ZNF493: variants seen among roughly 807,000 people sequenced by gnomAD.
ZNF493 encodes zinc finger protein 493.
A neutral mutation model predicts 12.2 loss-of-function variants in ZNF493; 11 were observed. That is an observed-to-expected ratio of 0.90 (90% CI 0.57 to 1.50). ZNF493 has a LOEUF of 1.50. Among genes scored for constraint, ZNF493 ranks in the 40% most tolerant of loss-of-function variants. The pLI, the probability that ZNF493 is intolerant of heterozygous loss-of-function variation, is 0.00. For synonymous variants in ZNF493, 286 were observed against 302.6 expected, an observed-to-expected ratio of 0.95 and a Z score of 0.57; for missense variants, 950 against 906.6, an observed-to-expected ratio of 1.05 and a Z score of -0.61.
At chr19:21,420,592 TA>T (rs2030629300) in intron 3 of ZNF493, among the ~76,000 whole-genome samples, 3 of 6,612 alleles carry the variant, frequency 4.5e-4, no homozygotes, top group African/African-American at 2.0e-3. Flanking sequence ...CTCACTTGAT[TA>T]TATATATATA....
intron 1 of ZNF493, among the ~76,000 whole-genome samples, chr19:21,404,890 T>C (rs2030063057): frequency 6.6e-6 from 1 of 152,244 alleles, no homozygotes; most frequent in African/African-American, 2.4e-5. Context: ...CTTTATACTT[T>C]ACTATTAATA....
intron 3 of ZNF493, among the ~76,000 whole-genome samples, chr19:21,406,818 A>G (rs948892455): frequency 6.6e-6 from 1 of 151,972 alleles, no homozygotes; most frequent in South Asian, 2.1e-4. Context: ...TTTCATTACT[A>G]TAAGAAAAAA....
At position 21,423,307 on chromosome 19, in the gene ZNF493, C is replaced by CAA; in HGVS notation, c.650_651dup (p.Ala218LysfsTer69). 1 of 1,613,806 alleles carries CAA rather than the reference C, an allele frequency of 6.2e-7. No homozygotes were observed. Among genetic ancestry groups the CAA allele is most frequent in the Non-Finnish European group, 8.5e-7 (1 of 1,179,862 alleles). On this transcript the variant is annotated frameshift_variant, in exon 4 of 4. Coordinates refer to ENST00000392288, the MANE Select transcript of ZNF493 (RefSeq NM_001076678.3). LOFTEE classifies it low-confidence loss of function (END_TRUNC). ...ATTCTTACCGATGTGAAGAATGTGGCAAAGCCTTTATCTGGTTTTCAACCC... is the reference window on the plus strand; with the variant it reads ...ATTCTTACCGATGTGAAGAATGTGGCAAAAAGCCTTTATCTGGTTTTCAACCC...
intron 1 of ZNF493, among the ~76,000 whole-genome samples, chr19:21,404,562 T>G (rs1224444723): frequency 1.3e-5 from 2 of 152,248 alleles, no homozygotes; most frequent in African/African-American, 4.8e-5. Flanking sequence ...AAATGAAGAC[T>G]CTTATCTTTG....
At chr19:21,404,431 T>A (rs1302566907) in intron 1 of ZNF493, among the ~76,000 whole-genome samples, 2 of 152,228 alleles carry the variant, frequency 1.3e-5, no homozygotes, top group Non-Finnish European at 2.9e-5. Context: ...GAGTTAATTA[T>A]TTTTCTCTTC....
At chr19:21,418,835 T>A (rs565281708) in intron 3 of ZNF493, among the ~76,000 whole-genome samples, 11 of 152,318 alleles carry the variant, frequency 7.2e-5, no homozygotes, top group Admixed American at 7.2e-4. Context: ...GGTTTAAGAA[T>A]GCCTTTATGC....
In ZNF493 at chr19:21,405,141, T is replaced by C. The variant is rs765753420; in HGVS notation, c.43T>C (p.Phe15Leu). Residue 15 changes from phenylalanine to leucine, a missense_variant, in exon 2 of 4, where the codon TTT becomes CTT. Physicochemically the swap from Phe to Leu is conservative, Grantham distance 22. Transcript: ENST00000392288. The stretch of plus-strand genomic sequence containing the variant: ...GTGTTTGTTTCAGGGGCCGTTGACA[T>C]TTAGGGATGTGGCCATAGAATTCTC... ...PESLDMGPLT[F>L]RDVAIEFSLE... 1 of 1,613,816 alleles carries C rather than the reference T, an allele frequency of 6.2e-7. No individual in the cohort carries two copies. The highest frequency in any genetic ancestry group is 1.7e-5 in the Admixed American group (1 of 59,954).
At position 21,424,541 on chromosome 19, in the gene ZNF493, C is replaced by G. The variant is rs1568384616; in HGVS notation, c.1882C>G (p.Pro628Ala). Residue 628 changes from proline to alanine, a missense_variant, in exon 4 of 4, where the codon CCC becomes GCC. Coordinates refer to ENST00000392288, the MANE Select transcript of ZNF493 (RefSeq NM_001076678.3). ...TAAGAAAATTCATACTGGAGAAAAA[C>G]CCTACAAATGTGAAGAATGTGGCAA... The part of the protein sequence containing the change: ...IHKKIHTGEK[P>A]YKCEECGKAF... 6.8e-6 allele frequency: 11 copies of G among 1,613,454 alleles called. No homozygotes were observed. Among genetic ancestry groups the G allele is most frequent in the Non-Finnish European group, 8.5e-6 (10 of 1,179,808 alleles).
chr19:21,408,267 A>G lies in ZNF493; in HGVS notation c.253+2411A>G, dbSNP rs1481452965. On this transcript the variant is annotated intron_variant, in intron 3 of 3. Transcript: ENST00000392288. ...CAGCCTCCTGAGTAGCTGGGATTAC[A>G]GGTGCCCACCAGCACGCCCAGCTAA... is the stretch of plus-strand genomic sequence containing the variant. The G allele has an allele frequency of 1.3e-5, 8 of 616,700 alleles. No homozygotes were observed. The East Asian group carries it at 4.2e-4, about 32-fold the overall frequency. The allele number at this position is 616,700 out of a possible 1,614,324, so 38.2% of individuals were successfully genotyped here.
chr19:21,405,020 G>A, intron 1 of ZNF493, 109 bp from the exon 2 acceptor site: 1 of 1,504,710 alleles, frequency 6.6e-7, no homozygotes, highest in South Asian at 1.4e-5. Context: ...ATTCCTGTAA[G>A]TCAGAACGAA....
At position 21,397,153 on chromosome 19, in the gene ZNF493, G is replaced by A; in HGVS notation, c.-85G>A. ...GGGCCATTGTTTCTCTCTGCTGCCGGAGCTCCAGGTCTACCCTTCACTGCT... is the reference window on the plus strand; with the variant it reads ...GGGCCATTGTTTCTCTCTGCTGCCGAAGCTCCAGGTCTACCCTTCACTGCT... On this transcript the variant is annotated 5_prime_UTR_variant, in exon 1 of 4. Transcript: ENST00000392288. 2.0e-6 allele frequency: 3 copies of A among 1,506,982 alleles called. No homozygotes were observed. The highest frequency in any genetic ancestry group is 1.7e-4 in the Middle Eastern group (1 of 5,878). 93.4% of individuals were successfully genotyped at this position (1,506,982 alleles called of 1,614,324 possible). A position where few individuals can be genotyped will look rare whatever the true frequency, so the allele number is the denominator to read the frequency against.
chr19:21,414,555 TG>T (rs1451407288), intron 3 of ZNF493: 9 of 152,250 alleles, frequency 5.9e-5, no homozygotes, highest in African/African-American at 2.2e-4. Context: ...TACTCCTAAC[TG>T]CTATTTGCAA....
chr19:21,427,432 G>C lies in ZNF493; in HGVS notation c.*2448G>C, dbSNP rs117633619. On this transcript the variant is annotated 3_prime_UTR_variant, in exon 4 of 4. Transcript: ENST00000392288. Reference sequence around the variant, plus strand: ...TTAGGTATATCTCCCAATGCTATCCGTCCCCCCTCCCCCCAATTGTACTTT... The same window carrying C: ...TTAGGTATATCTCCCAATGCTATCCCTCCCCCCTCCCCCCAATTGTACTTT... 2.0e-5 allele frequency: 3 copies of C among 152,240 alleles called. No individual in the cohort carries two copies. Among genetic ancestry groups the C allele is most frequent in the Non-Finnish European group, 4.4e-5 (3 of 67,990 alleles). 9.4% of individuals were successfully genotyped at this position (152,240 alleles called of 1,614,324 possible).
intron 3 of ZNF493, chr19:21,413,589 G>C (rs998355584): frequency 2.5e-6 from 1 of 407,410 alleles, no homozygotes; most frequent in Non-Finnish European, 4.3e-6. Flanking sequence ...CTGCAACGAG[G>C]GGGTCCTCGG....
intron 1 of ZNF493, among the ~76,000 whole-genome samples, chr19:21,403,207 G>A (rs1157426630): frequency 1.3e-5 from 2 of 152,134 alleles, no homozygotes; most frequent in Admixed American, 6.5e-5. Flanking sequence ...TGTTTTAATT[G>A]TGTCTCATGT....
At position 21,413,293 on chromosome 19, in the gene ZNF493, T is replaced by C. The variant is rs2030383478; in HGVS notation, c.253+7437T>C. On this transcript the variant is annotated intron_variant, in intron 3 of 3. Transcript: ENST00000392288. ...TAAGAAAGCATGTGTAACTGTGTCA[T>C]AGAGTGATTACATCCAGGCATTATT... 4 of 398,052 alleles carry C rather than the reference T, an allele frequency of 1.0e-5. No individual in the cohort carries two copies. The South Asian group carries it at 3.0e-4, about 30-fold the overall frequency. The allele number at this position is 398,052 out of a possible 1,614,324, so 24.7% of individuals were successfully genotyped here. A position where few individuals can be genotyped will look rare whatever the true frequency, so the allele number is the denominator to read the frequency against.
chr19:21,402,590 G>A (rs1599729284), intron 1 of ZNF493, among the ~76,000 whole-genome samples: 1 of 152,138 alleles, frequency 6.6e-6, no homozygotes, highest in East Asian at 1.9e-4. Context: ...CTCTGCCTGG[G>A]ATTTACAAGA....
intron 3 of ZNF493, among the ~76,000 whole-genome samples, chr19:21,417,321 TGTC>T (rs2030524854): frequency 6.6e-6 from 1 of 152,176 alleles, no homozygotes; most frequent in Admixed American, 6.5e-5. Context: ...CTCTCAGTCT[TGTC>T]GTTGCCTGTG....
intron 1 of ZNF493, among the ~76,000 whole-genome samples, chr19:21,404,074 G>A (rs1165391118): frequency 1.3e-5 from 2 of 152,136 alleles, no homozygotes; most frequent in African/African-American, 4.8e-5. Flanking sequence ...ATTCTATGCA[G>A]AACAGGATTA....
Sources: allele counts gnomAD v4.1 joint callset (sites outside exome capture counted in the v4.1 genomes callset), GRCh38; gene constraint gnomAD v4.1.1; transcripts MANE v1.5; gene names NCBI Gene and HGNC (gene_info 2026-07-23, HGNC 2026-07-21).